SAMD12: variants seen among roughly 807,000 people sequenced by gnomAD.
SAMD12 encodes sterile alpha motif domain containing 12.
Under a neutral mutation model 15.0 loss-of-function variants are expected in SAMD12, and 9 were observed. The ratio of observed to expected loss-of-function variants is 0.60; its 90% CI spans 0.36 to 1.05. The LOEUF is 1.05. SAMD12 is among the 50% of genes least tolerant of loss of function. The probability of loss-of-function intolerance (pLI) is 0.01; values close to 1 mark genes in which losing one functional copy is unlikely to be tolerated. For missense variants in SAMD12, 230 were observed against 234.2 expected (o/e 0.98, Z 0.12); for synonymous variants, 86 against 90.1 (o/e 0.96, Z 0.25).
At chr8:118,396,030 T>G (rs1264954017) in intron 3 of SAMD12, among the ~76,000 whole-genome samples, 1 of 152,108 alleles carries the variant, frequency 6.6e-6, no homozygotes, top group Non-Finnish European at 1.5e-5. Flanking sequence ...TGATTTAGAT[T>G]TGGTTATAAA....
At chr8:118,494,378 G>A (rs1472685906) in intron 2 of SAMD12, among the ~76,000 whole-genome samples, 4 of 152,152 alleles carry the variant, frequency 2.6e-5, no homozygotes, top group Non-Finnish European at 5.9e-5. Flanking sequence ...AGCAGCAACA[G>A]GAAAATATAT....
chr8:118,596,158 C>T (rs1201531045), intron 1 of SAMD12, among the ~76,000 whole-genome samples: 2 of 152,172 alleles, frequency 1.3e-5, no homozygotes, highest in South Asian at 4.1e-4. Context: ...ACAGCAGGCC[C>T]CAGCCAGAAG....
At chr8:118,432,096 ATTGT>A (rs1183398253) in intron 3 of SAMD12, among the ~76,000 whole-genome samples, 1 of 151,820 alleles carries the variant, frequency 6.6e-6, no homozygotes, top group Non-Finnish European at 1.5e-5. Context: ...TTTTCTTTTG[ATTGT>A]TTATTAGTTC....
At chr8:118,440,946 G>C (rs1009196979) in intron 2 of SAMD12, among the ~76,000 whole-genome samples, 1 of 152,248 alleles carries the variant, frequency 6.6e-6, no homozygotes, top group South Asian at 2.1e-4. Context: ...CATATTGGCA[G>C]CTGTTTGAAG....
At chr8:118,399,326 T>G (rs990761734) in intron 3 of SAMD12, among the ~76,000 whole-genome samples, 9 of 152,114 alleles carry the variant, frequency 5.9e-5, no homozygotes, top group Non-Finnish European at 1.2e-4. Flanking sequence ...CAATAATTAG[T>G]TCTAATGATT....
intron 3 of SAMD12, among the ~76,000 whole-genome samples, chr8:118,410,026 T>C (rs1821332705): frequency 6.6e-6 from 1 of 151,912 alleles, no homozygotes; most frequent in Non-Finnish European, 1.5e-5. Flanking sequence ...AGCAATAATA[T>C]GAAGACATCA....
In SAMD12 at chr8:118,384,967, C is replaced by T. The variant is rs76147283; in HGVS notation, c.323-5267G>A. Among the ~76,000 whole-genome samples, 139 of 152,176 alleles carry T rather than the reference C, an allele frequency of 9.1e-4. 2 individuals carry two copies. Among genetic ancestry groups the T allele is most frequent in the African/African-American group, 3.1e-3 (128 of 41,506 alleles). On this transcript the variant is annotated intron_variant, in intron 3 of 3. Coordinates refer to ENST00000314727, the MANE Select transcript of SAMD12 (RefSeq NM_207506.3). ...TTCCCCAGAACTCCTTGTAGAGGCT[C>T]GGGCCAGGGAATATTCAGTGAGGAT... is the stretch of plus-strand genomic sequence containing the variant.
chr8:118,376,021 G>A (rs1819370947), downstream of SAMD12, among the ~76,000 whole-genome samples: 1 of 151,852 alleles, frequency 6.6e-6, no homozygotes, highest in Non-Finnish European at 1.5e-5. Flanking sequence ...CTTCATTCTC[G>A]TATTTGTAGC....
At chr8:118,544,950 C>A (rs1826082282) in intron 2 of SAMD12, among the ~76,000 whole-genome samples, 1 of 152,170 alleles carries the variant, frequency 6.6e-6, no homozygotes, top group South Asian at 2.1e-4. Flanking sequence ...AAAGTAGTGA[C>A]TGGAAGTTAA....
intron 1 of SAMD12, among the ~76,000 whole-genome samples, chr8:118,583,845 C>T (rs1563597227): frequency 6.6e-6 from 1 of 152,178 alleles, no homozygotes; most frequent in Non-Finnish European, 1.5e-5. Flanking sequence ...CTAAGAATGT[C>T]CATGTAATTG....
the SAMD12 span, among the ~76,000 whole-genome samples, chr8:118,172,160 C>T: frequency 2.6e-5 from 4 of 151,914 alleles, no homozygotes; most frequent in South Asian, 2.1e-4. Flanking sequence ...ATGTAAATGA[C>T]GAGTTAATGG....
chr8:118,619,961 T>A (rs1828349754), intron 1 of SAMD12, among the ~76,000 whole-genome samples: 1 of 152,204 alleles, frequency 6.6e-6, no homozygotes, highest in South Asian at 2.1e-4. Flanking sequence ...AATACTTCCT[T>A]CATTCTTTGA....
At chr8:118,619,722 A>G (rs1000526760) in intron 1 of SAMD12, among the ~76,000 whole-genome samples, 8 of 152,162 alleles carry the variant, frequency 5.3e-5, no homozygotes, top group African/African-American at 4.8e-5. Flanking sequence ...TAAGAGGCAG[A>G]TTAAGTATGA....
At position 118,440,696 on chromosome 8, in the gene SAMD12, A is replaced by AC. The variant is rs1563861865; in HGVS notation, c.193-736_193-735insG. On this transcript the variant is annotated intron_variant, in intron 2 of 3. Coordinates refer to ENST00000314727, the MANE Select transcript of SAMD12 (RefSeq NM_207506.3). Reference sequence around the variant, plus strand: ...CACACACACACACACACACACACACAAACACACACACACACACACATATAA... The same window carrying AC: ...CACACACACACACACACACACACACACAACACACACACACACACACATATAA... Among the ~76,000 whole-genome samples the AC allele has an allele frequency of 5.1e-3, 704 of 137,830 alleles. 6 individuals are homozygous for AC. The highest frequency in any genetic ancestry group is 0.018 in the African/African-American group (608 of 34,344). 90.4% of individuals were successfully genotyped at this position (137,830 alleles called of 152,430 possible).
the SAMD12 span, among the ~76,000 whole-genome samples, chr8:118,164,998 TG>T: frequency 6.6e-6 from 1 of 151,880 alleles, no homozygotes; most frequent in East Asian, 1.9e-4. Context: ...TGTGTGTGTG[TG>T]TGTGTGTGTT....
intron 4 of SAMD12, among the ~76,000 whole-genome samples, chr8:118,325,729 C>T (rs905959346): frequency 2.0e-5 from 3 of 152,206 alleles, no homozygotes; most frequent in Non-Finnish European, 4.4e-5. Context: ...CTGCTCCCAA[C>T]CCCAGGCCCC....
chr8:118,466,094 A>G (rs1307075321), intron 2 of SAMD12, among the ~76,000 whole-genome samples: 1 of 152,158 alleles, frequency 6.6e-6, no homozygotes, highest in Non-Finnish European at 1.5e-5. Flanking sequence ...CATAACTAAC[A>G]CGTAGCATAG....
intron 2 of SAMD12, among the ~76,000 whole-genome samples, chr8:118,536,443 AAC>A (rs1165508519): frequency 0.081 from 11,440 of 140,630 alleles, 508 homozygotes; most frequent in African/African-American, 0.11. Context: ...CTGATACACA[AAC>A]ACACACACAC....
At chr8:118,324,835 C>T (rs1029411099) in intron 4 of SAMD12, among the ~76,000 whole-genome samples, 6 of 152,210 alleles carry the variant, frequency 3.9e-5, no homozygotes, top group South Asian at 2.1e-4. Context: ...GTGCAGTAAG[C>T]GGAGGTCATG....
Sources: allele counts gnomAD v4.1 joint callset (sites outside exome capture counted in the v4.1 genomes callset), GRCh38; gene constraint gnomAD v4.1.1; transcripts MANE v1.5; gene names NCBI Gene and HGNC (gene_info 2026-07-23, HGNC 2026-07-21).